The following MYOM1 variants were observed in gnomAD, a reference collection of about 807,000 sequenced individuals.
MYOM1 encodes the protein myomesin-1.
MYOM1 carries 164 observed loss-of-function variants against 205.3 expected under a neutral mutation model. The ratio of observed to expected loss-of-function variants is 0.80; its 90% CI spans 0.70 to 0.91. The LOEUF (loss-of-function observed/expected upper bound fraction) is 0.91. Ranked by LOEUF, MYOM1 falls within the 40% of genes least tolerant of loss-of-function variation. MYOM1 has a pLI of 0.00. For missense variants in MYOM1, 2,011 were observed against 2,127.3 expected (o/e 0.95, Z 1.08); for synonymous variants, 772 against 789.4 (o/e 0.98, Z 0.37).
the MYOM1 span, among the ~76,000 whole-genome samples, chr18:3,231,641 GC>G: frequency 6.8e-6 from 1 of 147,992 alleles, no homozygotes; most frequent in African/African-American, 2.5e-5. Context: ...CCGGGTTCAA[GC>G]AATTCTCCTG....
chr18:3,097,251 T>C (rs1320265222), intron 25 of MYOM1, among the ~76,000 whole-genome samples: 2 of 152,220 alleles, frequency 1.3e-5, no homozygotes, highest in Non-Finnish European at 2.9e-5. Context: ...ACTTTGATCC[T>C]ACCACCAGAC....
intron 25 of MYOM1, among the ~76,000 whole-genome samples, chr18:3,098,304 G>C (rs2079331960): frequency 6.6e-6 from 1 of 151,816 alleles, no homozygotes; most frequent in Admixed American, 6.6e-5. Flanking sequence ...TTGAGATGGA[G>C]TCTTGCTCTG....
rs1284838257 is a variant in MYOM1, at chr18:3,175,971, CTGT to C, written c.1022+68_1022+70del. On this transcript the variant is annotated intron_variant, in intron 6 of 37. Coordinates refer to ENST00000356443, the MANE Select transcript of MYOM1 (RefSeq NM_003803.4). Reference sequence around the variant, plus strand: ...CATTGGGATGAAGTGGGGAGAGTGGCTGTTAACTGCAGGGGTGAGAAGCCTCCC... The same window carrying C: ...CATTGGGATGAAGTGGGGAGAGTGGCTAACTGCAGGGGTGAGAAGCCTCCC... 7 of 894,162 alleles carry C rather than the reference CTGT, an allele frequency of 7.8e-6. No individual in the cohort carries two copies. In the African/African-American group the frequency reaches 1.1e-4, roughly 15 times the overall value. The allele number at this position is 894,162 out of a possible 1,614,324, so 55.4% of individuals were successfully genotyped here.
chr18:3,129,076 A>G (rs2143876536), intron 18 of MYOM1, among the ~76,000 whole-genome samples, 156 bp downstream of exon 18: 1 of 152,378 alleles, frequency 6.6e-6, no homozygotes, highest in Middle Eastern at 3.4e-3. Flanking sequence ...CCAAGTCATC[A>G]GATGAAAGTA....
chr18:3,239,177 C>A, the MYOM1 span, among the ~76,000 whole-genome samples: 1 of 152,138 alleles, frequency 6.6e-6, no homozygotes, highest in Non-Finnish European at 1.5e-5. Context: ...ACAGAGAGAA[C>A]TTGATGATGC....
At position 3,067,279 on chromosome 18, in the gene MYOM1, C is replaced by G. The variant is rs769553242; in HGVS notation, c.5041G>C (p.Gly1681Arg). The change falls in exon 38 of 38, where the codon GGC becomes CGC. Residue 1681 changes from glycine to arginine, a missense_variant. Physicochemically the swap from Gly to Arg is moderately radical, Grantham distance 125. Coordinates refer to ENST00000356443, the MANE Select transcript of MYOM1 (RefSeq NM_003803.4). ...ACCTCCGGTCACTTGGCCTTCTTGC[C>G]ACCTTTCAGGGACTCCAAGGCGGCC... Reference protein sequence around the residue: ...RMAALESLKGGKKAK With the variant: ...RMAALESLKGRKKAK 4 of 1,603,948 alleles carry G rather than the reference C, an allele frequency of 2.5e-6. No individual in the cohort carries two copies. The highest frequency in any genetic ancestry group is 2.2e-5 in the East Asian group (1 of 44,584).
At chr18:3,183,909 C>CTCTCTTTT (rs552298562) in intron 5 of MYOM1, among the ~76,000 whole-genome samples, 3 of 143,436 alleles carry the variant, frequency 2.1e-5, no homozygotes, top group Admixed American at 7.0e-5. Flanking sequence ...CGTTCTCTCT[C>CTCTCTTTT]TTTTTTTTTT....
intron 27 of MYOM1, 26 bp from the exon 28 acceptor site, chr18:3,089,622 T>A: frequency 6.3e-7 from 1 of 1,588,876 alleles, no homozygotes. Flanking sequence ...CAAGGAAGTG[T>A]GAAATTGAGT....
intron 20 of MYOM1, among the ~76,000 whole-genome samples, 190 bp from the exon 21 acceptor site, chr18:3,116,705 CT>C (rs1374559474): frequency 1.3e-5 from 2 of 152,194 alleles, no homozygotes; most frequent in African/African-American, 2.4e-5. Context: ...CATTAGCCCA[CT>C]GAGTCCCTTT....
chr18:3,103,624 G>A (rs1400628404), intron 22 of MYOM1, among the ~76,000 whole-genome samples: 2 of 152,028 alleles, frequency 1.3e-5, no homozygotes, highest in Non-Finnish European at 2.9e-5. Context: ...TCCCAGAAAA[G>A]TACAGCTGTA....
upstream of MYOM1, among the ~76,000 whole-genome samples, chr18:3,224,788 TA>T (rs948713699): frequency 1.2e-4 from 19 of 152,010 alleles, no homozygotes; most frequent in Non-Finnish European, 2.1e-4. Flanking sequence ...CTCAGCCTCC[TA>T]AATAGCTGGG....
intron 5 of MYOM1, among the ~76,000 whole-genome samples, chr18:3,177,072 C>A (rs972666229): frequency 2.6e-5 from 4 of 151,920 alleles, no homozygotes; most frequent in Admixed American, 2.0e-4. Flanking sequence ...TAAGCAAGAC[C>A]CTGAATCTAC....
chr18:3,215,685 T>G (rs984561502), intron 1 of MYOM1, among the ~76,000 whole-genome samples: 33 of 152,096 alleles, frequency 2.2e-4, no homozygotes, highest in African/African-American at 7.7e-4. Context: ...TAACTGGATA[T>G]TCAAAAAACT....
Position 3,148,706 on chromosome 18 carries a change from C to T in MYOM1, c.1900+439G>A, listed in dbSNP as rs531343281. ...ACTAAAAATACAAAAATTAGCCAGG[C>T]GTAGTGGCGGGCGCCTGTAGTCCCA... On this transcript the variant is annotated intron_variant, in intron 13 of 37. Transcript: ENST00000356443. Among the ~76,000 whole-genome samples the T allele has an allele frequency of 2.4e-4, 37 of 151,446 alleles. 1 individual carries two copies. The South Asian group carries it at 6.9e-3, about 28-fold the overall frequency.
At chr18:3,176,171 G>GT in intron 5 of MYOM1, 37 bp from the exon 6 acceptor site, 1 of 1,266,586 alleles carries the variant, frequency 7.9e-7, no homozygotes, top group Non-Finnish European at 1.2e-6. Context: ...GTAAGTTGAA[G>GT]TGTAAACAAC....
chr18:3,222,967 G>A (rs998256269), upstream of MYOM1, among the ~76,000 whole-genome samples: 1 of 151,812 alleles, frequency 6.6e-6, no homozygotes, highest in Non-Finnish European at 1.5e-5. Context: ...CTGCAACCTC[G>A]ACCTCCTCAG....
rs186118894 is a variant in MYOM1 at position 3,102,047 on chromosome 18, G to A, written c.3575+427C>T. 4.9e-4 allele frequency among the ~76,000 whole-genome samples: 68 copies of A among 139,120 alleles called. No homozygotes were observed. The East Asian group carries it at 0.01, about 21-fold the overall frequency. 91.3% of individuals were successfully genotyped at this position (139,120 alleles called of 152,430 possible). A position where few individuals can be genotyped will look rare whatever the true frequency, so the allele number is the denominator to read the frequency against. ...GACAGAGTCTGGCTCTGTTGCCCAG[G>A]CTGGAGTGCAGTGGCGCGATCTCGG... On this transcript the variant is annotated intron_variant, in intron 23 of 37. Transcript: ENST00000356443.
At chr18:3,125,595 A>G (rs1200020403) in intron 19 of MYOM1, among the ~76,000 whole-genome samples, 1 of 150,902 alleles carries the variant, frequency 6.6e-6, no homozygotes, top group Non-Finnish European at 1.5e-5. Context: ...TGTTTTACGC[A>G]TTCTCAGCAT....
the MYOM1 span, among the ~76,000 whole-genome samples, chr18:3,224,969 A>T: frequency 6.6e-6 from 1 of 150,854 alleles, no homozygotes; most frequent in Non-Finnish European, 1.5e-5. Context: ...CCGGCCTATT[A>T]TTAGTATTAT....
Sources: allele counts gnomAD v4.1 joint callset (sites outside exome capture counted in the v4.1 genomes callset), GRCh38; gene constraint gnomAD v4.1.1; transcripts MANE v1.5; gene names NCBI Gene and HGNC (gene_info 2026-07-23, HGNC 2026-07-21).